Variants in CDH22 observed in about 807,000 individuals in gnomAD.
CDH22 encodes the protein cadherin-22.
CDH22 carries 30 observed loss-of-function variants against 58.4 expected under a neutral mutation model. The ratio of observed to expected loss-of-function variants is 0.51; its 90% CI spans 0.38 to 0.70. The LOEUF (loss-of-function observed/expected upper bound fraction) is 0.70, where lower values mean the gene tolerates loss of function less well. Among genes scored for constraint, CDH22 ranks in the 30% least tolerant of loss-of-function variants. CDH22 has a pLI of 0.00. For missense variants in CDH22, 1,014 were observed against 1,233.9 expected, an observed-to-expected ratio of 0.82 and a Z score of 2.67; for synonymous variants, 513 against 558.2, an observed-to-expected ratio of 0.92 and a Z score of 1.14.
intron 5 of CDH22, among the ~76,000 whole-genome samples, chr20:46,214,787 GC>G (rs902774350): frequency 2.0e-5 from 3 of 152,148 alleles, no homozygotes; most frequent in African/African-American, 7.2e-5. Context: ...TGCTCCCTTG[GC>G]CCCCAAGCTT....
chr20:46,295,833 G>T (rs1387428187), intron 1 of CDH22, among the ~76,000 whole-genome samples: 1 of 152,194 alleles, frequency 6.6e-6, no homozygotes. Flanking sequence ...CATGATCATA[G>T]CTCACCACAG....
intron 10 of CDH22, among the ~76,000 whole-genome samples, chr20:46,178,685 T>C (rs1315411076): frequency 1.3e-5 from 2 of 148,636 alleles, no homozygotes; most frequent in Non-Finnish European, 3.0e-5. Flanking sequence ...AGGAATCCTA[T>C]AGGGTCCTTG....
At chr20:46,238,358 G>A (rs2086268321) in intron 3 of CDH22, among the ~76,000 whole-genome samples, 2 of 152,152 alleles carry the variant, frequency 1.3e-5, no homozygotes, top group African/African-American at 4.8e-5. Context: ...GTCTCTCTGA[G>A]CCCCAGTTTA....
chr20:46,206,261 G>A (rs527635687), intron 7 of CDH22, among the ~76,000 whole-genome samples: 3 of 152,224 alleles, frequency 2.0e-5, no homozygotes, highest in Non-Finnish European at 4.4e-5. Flanking sequence ...GTCAAACCCC[G>A]GTGCTTCCCC....
At chr20:46,230,545 T>C (rs1194294294) in intron 3 of CDH22, among the ~76,000 whole-genome samples, 1 of 152,178 alleles carries the variant, frequency 6.6e-6, no homozygotes, top group East Asian at 1.9e-4. Context: ...AAAACATGAA[T>C]TAATAATGAA....
chr20:46,227,696 C>T, intron 3 of CDH22, 69 bp from the exon 4 acceptor site: 3 of 1,537,876 alleles, frequency 2.0e-6, no homozygotes, highest in East Asian at 2.4e-5. Context: ...CACTTCGCCT[C>T]ACCCCAGGGA....
intron 8 of CDH22, among the ~76,000 whole-genome samples, chr20:46,189,057 G>A (rs868397494): frequency 2.6e-5 from 4 of 152,118 alleles, no homozygotes; most frequent in South Asian, 2.1e-4. Flanking sequence ...AGCTGCTCAC[G>A]TGTTGATAAA....
chr20:46,254,909 G>C (rs1298759641), intron 1 of CDH22, among the ~76,000 whole-genome samples: 2 of 152,226 alleles, frequency 1.3e-5, no homozygotes, highest in Non-Finnish European at 2.9e-5. Flanking sequence ...AGTGCAGGAT[G>C]CATCTGGACA....
intron 1 of CDH22, among the ~76,000 whole-genome samples, chr20:46,292,019 C>T (rs2086605742): frequency 1.3e-5 from 2 of 152,294 alleles, no homozygotes; most frequent in South Asian, 4.1e-4. Flanking sequence ...AACTGCTCTC[C>T]CACCCCAATG....
In CDH22 at chr20:46,174,880, T is replaced by TGCCGCCCCCGTCGCC. The variant is rs748591350; in HGVS notation, c.2098_2112dup (p.Gly700_Gly704dup). 2 of 1,070,426 alleles carry TGCCGCCCCCGTCGCC rather than the reference T, an allele frequency of 1.9e-6. No individual in the cohort carries two copies. Among genetic ancestry groups the TGCCGCCCCCGTCGCC allele is most frequent in the East Asian group, 1.3e-4 (2 of 15,872 alleles). The allele number at this position is 1,070,426 out of a possible 1,614,324, so 66.3% of individuals were successfully genotyped here. ...CCCCCGCCCGCTCCCCCGCCCGCGC[T>TGCCGCCCCCGTCGCC]GCCGCCCCCGTCGCCGCCCTTGAGC... On this transcript the variant is annotated inframe_insertion, in exon 12 of 12. Transcript: ENST00000537909. This position sits in a 1 kb window ranked among gnomAD's most constrained non-coding sequence, Gnocchi z 4.4.
chr20:46,276,200 C>T (rs1407113042), intron 1 of CDH22, among the ~76,000 whole-genome samples: 1 of 152,218 alleles, frequency 6.6e-6, no homozygotes, highest in Non-Finnish European at 1.5e-5. Flanking sequence ...TGGCCACACA[C>T]AGCTGGAACT....
intron 1 of CDH22, among the ~76,000 whole-genome samples, chr20:46,287,594 G>T (rs373370668): frequency 6.6e-6 from 1 of 151,986 alleles, no homozygotes; most frequent in African/African-American, 2.4e-5. Context: ...AGGTTGGCAC[G>T]TCAGGAGCAA....
At chr20:46,298,593 T>G (rs1335431644) in intron 1 of CDH22, among the ~76,000 whole-genome samples, 1 of 151,798 alleles carries the variant, frequency 6.6e-6, no homozygotes, top group Non-Finnish European at 1.5e-5. Flanking sequence ...TGGAGGTGGG[T>G]GGGCTGGAGG....
chr20:46,224,728 C>G (rs1396172604), intron 4 of CDH22, among the ~76,000 whole-genome samples: 1 of 152,172 alleles, frequency 6.6e-6, no homozygotes, highest in Non-Finnish European at 1.5e-5. Flanking sequence ...GCCTCCTCCC[C>G]CAACCTAGTC....
chr20:46,268,442 A>G (rs1169135735), intron 1 of CDH22, among the ~76,000 whole-genome samples: 1 of 152,270 alleles, frequency 6.6e-6, no homozygotes, highest in Non-Finnish European at 1.5e-5. Flanking sequence ...TCAACCTCGC[A>G]GTAAATTACA....
chr20:46,256,430 G>A (rs1327522902), intron 1 of CDH22, among the ~76,000 whole-genome samples: 2 of 152,194 alleles, frequency 1.3e-5, no homozygotes, highest in Admixed American at 6.5e-5. Flanking sequence ...GGGACAGAGG[G>A]GTTGTGCACA....
At chr20:46,214,379 G>A (rs186422932) in intron 5 of CDH22, among the ~76,000 whole-genome samples, 170 of 152,298 alleles carry the variant, frequency 1.1e-3, no homozygotes, top group Non-Finnish European at 2.0e-3. Context: ...TAACCCTTGC[G>A]TGGAGTGGCT....
rs552689770 is a variant in CDH22 at position 46,307,635 on chromosome 20, C to T, written c.-400+620G>A. Among the ~76,000 whole-genome samples the T allele has an allele frequency of 2.0e-5, 3 of 152,206 alleles. No individual in the cohort carries two copies. In the East Asian group the frequency reaches 5.8e-4, roughly 30 times the overall value. ...GGGGCCGGCAGGGGTCCCTGTGGGC[C>T]GCCTCCCCGGCTCAGAGGGGACCAG... is the stretch of plus-strand genomic sequence containing the variant. On this transcript the variant is annotated intron_variant, in intron 1 of 11. Coordinates refer to ENST00000537909, the MANE Select transcript of CDH22 (RefSeq NM_021248.3).
chr20:46,257,194 A>T (rs1345841401), intron 1 of CDH22, among the ~76,000 whole-genome samples: 1 of 152,098 alleles, frequency 6.6e-6, no homozygotes, highest in African/African-American at 2.4e-5. Flanking sequence ...CTGTAGTCCC[A>T]GCTACTCAGG....
Sources: gnomAD v4.1 joint callset for allele counts (sites outside exome capture counted in the v4.1 genomes callset) on GRCh38, gnomAD v4.1.1 for gene constraint, Gnocchi (gnomAD v3.1) non-coding constraint, MANE v1.5 for transcripts, NCBI Gene and HGNC (gene_info 2026-07-23, HGNC 2026-07-21) for gene names.